The following TBL1X variants were observed in gnomAD, a reference collection of about 807,000 sequenced individuals.
TBL1X encodes the protein transducin beta like 1 X-linked, also known as F-box-like/WD repeat-containing protein TBL1X.
TBL1X carries 10 observed loss-of-function variants against 50.7 expected under a neutral mutation model. The ratio of observed to expected loss-of-function variants is 0.20; its 90% CI spans 0.12 to 0.33. The LOEUF is 0.33. Among genes scored for constraint, TBL1X ranks in the 10% least tolerant of loss-of-function variants. The pLI is 1.00. For synonymous variants in TBL1X, 190 were observed against 214.7 expected (o/e 0.88, Z 1.01); for missense variants, 340 against 504.4 (o/e 0.67, Z 3.12).
chrX:9,496,154 A>G (rs2081970144), intron 1 of TBL1X, among the ~76,000 whole-genome samples: 1 of 112,400 alleles, frequency 8.9e-6, no homozygotes, highest in South Asian at 3.7e-4. Context: ...CCCTCTGGAA[A>G]GCGTGCGGTG....
At chrX:9,616,804 C>T (rs1282695846) in intron 2 of TBL1X, among the ~76,000 whole-genome samples, 1 of 111,692 alleles carries the variant, frequency 9.0e-6, no homozygotes, top group Non-Finnish European at 1.9e-5. Flanking sequence ...GTTCTGAATG[C>T]TCCTGTTGTC....
chrX:9,681,164 C>T (rs2083023270), intron 5 of TBL1X, among the ~76,000 whole-genome samples: 1 of 112,148 alleles, frequency 8.9e-6, no homozygotes, highest in Non-Finnish European at 1.9e-5. Flanking sequence ...CTGAGCTTTG[C>T]ACACCGTTCT....
intron 2 of TBL1X, among the ~76,000 whole-genome samples, chrX:9,624,916 C>A (rs2082684809): frequency 8.9e-6 from 1 of 112,109 alleles, no homozygotes; most frequent in Non-Finnish European, 1.9e-5. Context: ...TTTTTCTCAT[C>A]TGACCTTTTT....
At chrX:9,634,272 G>A (rs1015254599) in intron 2 of TBL1X, among the ~76,000 whole-genome samples, 2 of 110,743 alleles carry the variant, frequency 1.8e-5, no homozygotes, top group Non-Finnish European at 3.8e-5. Flanking sequence ...CTAGGACCTA[G>A]ACATGGAGCT....
chrX:9,568,900 GTCTA>G (rs774541234), intron 2 of TBL1X, among the ~76,000 whole-genome samples: 2 of 108,984 alleles, frequency 1.8e-5, no homozygotes, highest in South Asian at 4.1e-4. Flanking sequence ...TGTGCATGTT[GTCTA>G]TCTGTGCACC....
intron 2 of TBL1X, among the ~76,000 whole-genome samples, chrX:9,620,178 A>G (rs940479891): frequency 1.8e-5 from 2 of 112,322 alleles, no homozygotes; most frequent in African/African-American, 6.5e-5. Flanking sequence ...GTTGATGTTC[A>G]TGCTTATTGT....
chrX:9,636,924 G>C (rs1343310430), intron 2 of TBL1X: 9 of 112,165 alleles, frequency 8.0e-5, no homozygotes, highest in Admixed American at 7.6e-4. Flanking sequence ...ATTGAGTTTG[G>C]ACAACATTTG....
chrX:9,703,735 T>G (rs1388362222), intron 12 of TBL1X, among the ~76,000 whole-genome samples: 1 of 111,876 alleles, frequency 8.9e-6, no homozygotes, highest in East Asian at 2.8e-4. Flanking sequence ...ATGCCTCGGC[T>G]CTCTCCCCCT....
chrX:9,600,297 T>G (rs752264448), intron 2 of TBL1X, among the ~76,000 whole-genome samples: 1 of 109,325 alleles, frequency 9.1e-6, no homozygotes, highest in Admixed American at 9.8e-5. Context: ...ACAGCATCTT[T>G]TTGCTGTGTT....
chrX:9,560,793 C>T (rs557566218), intron 2 of TBL1X, among the ~76,000 whole-genome samples: 3 of 111,622 alleles, frequency 2.7e-5, no homozygotes, highest in South Asian at 3.8e-4. Context: ...GGGCTTTTTA[C>T]GGATGGAAAA....
At chrX:9,706,918 C>G (rs917406330) in intron 13 of TBL1X, among the ~76,000 whole-genome samples, 9 of 111,649 alleles carry the variant, frequency 8.1e-5, no homozygotes, top group African/African-American at 2.9e-4. Flanking sequence ...GGCCCATTCA[C>G]GTATCCTCTG....
At chrX:9,690,777 G>C (rs1038334451) in intron 7 of TBL1X, among the ~76,000 whole-genome samples, 3 of 111,765 alleles carry the variant, frequency 2.7e-5, no homozygotes, top group Non-Finnish European at 5.6e-5. Flanking sequence ...CACCCAGGCT[G>C]GGGTACAGTG....
intron 2 of TBL1X, among the ~76,000 whole-genome samples, chrX:9,543,186 G>T (rs12006717): frequency 0.03 from 3,379 of 111,691 alleles, 151 homozygotes; most frequent in African/African-American, 0.11. Flanking sequence ...GATTCTGGCC[G>T]CCTGTGCCTG....
At chrX:9,557,587 A>C (rs1221451882) in intron 2 of TBL1X, among the ~76,000 whole-genome samples, 1 of 111,357 alleles carries the variant, frequency 9.0e-6, no homozygotes, top group South Asian at 3.8e-4. Context: ...CTTCGGAGTA[A>C]AGGGTAGCGA....
intron 2 of TBL1X, among the ~76,000 whole-genome samples, chrX:9,527,583 G>T (rs2082138952): frequency 8.9e-6 from 1 of 111,746 alleles, no homozygotes; most frequent in Non-Finnish European, 1.9e-5. Flanking sequence ...CCATATTTTG[G>T]TTTGTTTTTG....
chrX:9,500,276 CAAAAAAAAAA>C (rs386416596), intron 1 of TBL1X, among the ~76,000 whole-genome samples: 4 of 39,774 alleles, frequency 1.0e-4, no homozygotes, highest in Non-Finnish European at 1.7e-4. Context: ...GACCCTGTCT[CAAAAAAAAAA>C]AAAAAAAAAA....
intron 1 of TBL1X, among the ~76,000 whole-genome samples, chrX:9,471,351 C>T (rs1232406459): frequency 8.9e-6 from 1 of 112,107 alleles, no homozygotes; most frequent in Non-Finnish European, 1.9e-5. Context: ...CATGTCCTAC[C>T]GTGTAGAGTT....
intron 1 of TBL1X, among the ~76,000 whole-genome samples, chrX:9,498,059 C>T (rs1040283655): frequency 1.8e-5 from 2 of 110,068 alleles, no homozygotes; most frequent in Non-Finnish European, 3.8e-5. Context: ...CTGCTATTTC[C>T]TCCCAGCTAA....
intron 3 of TBL1X, among the ~76,000 whole-genome samples, chrX:9,644,057 T>C (rs138214035): frequency 8.9e-6 from 1 of 112,054 alleles, no homozygotes; most frequent in Non-Finnish European, 1.9e-5. Flanking sequence ...CTCATCATGG[T>C]CAAATTAAAT....
Sources: allele counts gnomAD v4.1 joint callset (sites outside exome capture counted in the v4.1 genomes callset), GRCh38; gene constraint gnomAD v4.1.1; transcripts MANE v1.5; gene names NCBI Gene and HGNC (gene_info 2026-07-23, HGNC 2026-07-21).